Variants in TNS1 observed in about 807,000 individuals in gnomAD.
The protein encoded by TNS1 is tensin-1.
Under a neutral mutation model 168.6 loss-of-function variants are expected in TNS1, and 62 were observed. That is an observed-to-expected ratio of 0.37 (90% CI 0.30 to 0.45). TNS1 has a LOEUF of 0.45. Among genes scored for constraint, TNS1 ranks in the 20% least tolerant of loss-of-function variants. The pLI, the probability that TNS1 is intolerant of heterozygous loss-of-function variation, is 1.00. For synonymous variants in TNS1, 934 were observed against 933.2 expected (o/e 1.00, Z -0.02); for missense variants, 2,240 against 2,339.4 (o/e 0.96, Z 0.88).
chr2:217,865,756 T>C (rs1323739498), intron 18 of TNS1, among the ~76,000 whole-genome samples: 1 of 151,868 alleles, frequency 6.6e-6, no homozygotes, highest in Non-Finnish European at 1.5e-5. Context: ...GAGCCAGGAG[T>C]GTCTGAGGCA....
intron 3 of TNS1, among the ~76,000 whole-genome samples, chr2:217,966,667 C>T (rs1957650157): frequency 6.6e-6 from 1 of 152,202 alleles, no homozygotes; most frequent in African/African-American, 2.4e-5. Context: ...GTATGCTGAA[C>T]AGGCTCACCA....
At chr2:217,823,347 T>TCCAGGTCCCTCCA (rs1943161922) in intron 22 of TNS1, among the ~76,000 whole-genome samples, 1 of 152,056 alleles carries the variant, frequency 6.6e-6, no homozygotes, top group African/African-American at 2.4e-5. Context: ...AGTCAGGTCC[T>TCCAGGTCCCTCCA]CCAGGTCCCT....
At chr2:217,886,187 G>C in intron 13 of TNS1, 83 bp from the exon 14 acceptor site, 1 of 1,446,420 alleles carries the variant, frequency 6.9e-7, no homozygotes, top group South Asian at 1.2e-5. Flanking sequence ...GGGAGAAAGA[G>C]AGAAAGGAAG....
intron 4 of TNS1, among the ~76,000 whole-genome samples, chr2:217,916,714 G>A (rs190948903): frequency 1.7e-4 from 26 of 152,298 alleles, no homozygotes; most frequent in South Asian, 2.1e-4. Context: ...TGGCTGGCCC[G>A]GGCACAGGTT....
At chr2:217,906,265 T>TTC in intron 6 of TNS1, 70 bp downstream of exon 6, 1 of 596,288 alleles carries the variant, frequency 1.7e-6, no homozygotes, top group Non-Finnish European at 3.1e-6. Context: ...ATTATCCACC[T>TTC]CCCACCCCAC....
intron 3 of TNS1, among the ~76,000 whole-genome samples, chr2:217,965,584 G>C (rs1957605716): frequency 6.6e-6 from 1 of 152,192 alleles, no homozygotes; most frequent in Admixed American, 6.5e-5. Flanking sequence ...CCCAGCAGCA[G>C]AGAATGCTAG....
At chr2:217,928,010 T>C (rs1347136858) in intron 3 of TNS1, among the ~76,000 whole-genome samples, 1 of 151,928 alleles carries the variant, frequency 6.6e-6, no homozygotes, top group Non-Finnish European at 1.5e-5. Flanking sequence ...ACACCATGAG[T>C]CCACTAGAAC....
In TNS1 at chr2:217,848,675, A is replaced by C; in HGVS notation, c.1842T>G (p.Gly614=). 1 of 1,614,140 alleles carries C rather than the reference A, an allele frequency of 6.2e-7. No individual in the cohort carries two copies. The highest frequency in any genetic ancestry group is 8.5e-7 in the Non-Finnish European group (1 of 1,179,998). ...TCTCCCGCTCAGATGCTAACGCCCC[A>C]CCATTGACATGAACCTGGGCTGGGA... ...HVVPAQVHVN[G]GALASERETD... The change falls in exon 19 of 33, where the codon GGT becomes GGG. Residue 614 remains glycine (G), a synonymous_variant. Transcript: ENST00000682258.
intron 4 of TNS1, among the ~76,000 whole-genome samples, chr2:217,912,822 G>A (rs754088737): frequency 1.3e-5 from 2 of 152,160 alleles, no homozygotes; most frequent in South Asian, 4.1e-4. Context: ...ACAAGGCAGC[G>A]GCAGCGGCAG....
At chr2:217,876,119 G>T (rs561138514) in intron 18 of TNS1, among the ~76,000 whole-genome samples, 9 of 152,292 alleles carry the variant, frequency 5.9e-5, no homozygotes, top group Non-Finnish European at 2.9e-5. Flanking sequence ...GATGTCCAAG[G>T]AAGTCACAGA....
At chr2:217,984,800 G>C (rs1312249997) in intron 2 of TNS1, among the ~76,000 whole-genome samples, 1 of 149,070 alleles carries the variant, frequency 6.7e-6, no homozygotes, top group Admixed American at 6.7e-5. Flanking sequence ...CTGTCACCCA[G>C]GCTGGAGTGC....
intron 32 of TNS1, among the ~76,000 whole-genome samples, chr2:217,805,883 A>C (rs202112824): frequency 8.7e-5 from 7 of 80,450 alleles, no homozygotes; most frequent in Admixed American, 2.4e-4. Flanking sequence ...ATATACACAC[A>C]CCACACACAC....
At position 218,032,622 on chromosome 2, in the gene TNS1, G is replaced by A. The variant is rs569584504; in HGVS notation, c.156+1198C>T. On this transcript the variant is annotated intron_variant, in intron 1 of 1. Coordinates refer to the TNS1 transcript ENST00000649572. The surrounding 1 kb of genome is among the most constrained non-coding windows in gnomAD (Gnocchi z 4.0). ...GGCTTTTGAGGGGATCAGCACCCAG[G>A]AGATGTTTATCTGCCCCAAGAACGA... Among the ~76,000 whole-genome samples, 1 of 152,248 alleles carries A rather than the reference G, an allele frequency of 6.6e-6. No homozygotes were observed. The highest frequency in any genetic ancestry group is 6.5e-5 in the Admixed American group (1 of 15,298).
chr2:218,028,060 C>T (rs1042201303), intron 1 of TNS1, among the ~76,000 whole-genome samples: 3 of 152,216 alleles, frequency 2.0e-5, no homozygotes, highest in Admixed American at 6.5e-5. Flanking sequence ...TGGAGGACAC[C>T]GCTTTCCAGC....
At chr2:217,820,445 G>A (rs989716325) in intron 23 of TNS1, among the ~76,000 whole-genome samples, 9 of 152,178 alleles carry the variant, frequency 5.9e-5, no homozygotes, top group Non-Finnish European at 1.2e-4. Context: ...CCAGAAGACA[G>A]TTGCCTCTGC....
upstream of TNS1, among the ~76,000 whole-genome samples, chr2:218,006,970 C>G (rs1413318645): frequency 6.6e-6 from 1 of 152,074 alleles, no homozygotes; most frequent in African/African-American, 2.4e-5. Flanking sequence ...GGTCACAGAG[C>G]CCATAAAAAG....
chr2:217,904,631 A>G (rs1953439410), intron 6 of TNS1, among the ~76,000 whole-genome samples: 1 of 152,148 alleles, frequency 6.6e-6, no homozygotes, highest in Non-Finnish European at 1.5e-5. Flanking sequence ...TCCATCCCAG[A>G]TCACCAATAC....
chr2:217,974,763 G>A (rs1957853071), intron 3 of TNS1, among the ~76,000 whole-genome samples: 1 of 152,158 alleles, frequency 6.6e-6, no homozygotes, highest in Admixed American at 6.5e-5. Flanking sequence ...GAAGGCAGCA[G>A]GGGTAGAGTT....
At chr2:217,906,072 C>A (rs1158036743) in intron 6 of TNS1, among the ~76,000 whole-genome samples, 1 of 152,196 alleles carries the variant, frequency 6.6e-6, no homozygotes, top group African/African-American at 2.4e-5. Flanking sequence ...TCATCACACA[C>A]CCTCTCTCCT....
Sources: allele counts gnomAD v4.1 joint callset (sites outside exome capture counted in the v4.1 genomes callset), GRCh38; gene constraint gnomAD v4.1.1; non-coding constraint Gnocchi (gnomAD v3.1); transcripts MANE v1.5; gene names NCBI Gene and HGNC (gene_info 2026-07-23, HGNC 2026-07-21).